DOCK6: variants seen among roughly 807,000 people sequenced by gnomAD.
The protein encoded by DOCK6 is dedicator of cytokinesis protein 6.
A neutral mutation model predicts 230.3 loss-of-function variants in DOCK6; 167 were observed. That is an observed-to-expected ratio of 0.73 (90% CI 0.64 to 0.82). The LOEUF (loss-of-function observed/expected upper bound fraction) is 0.82. DOCK6 is among the 40% of genes least tolerant of loss of function. DOCK6 has a pLI of 0.00. For missense variants in DOCK6, 2,598 were observed against 2,825.8 expected (o/e 0.92, Z 1.83); for synonymous variants, 1,148 against 1,185.0 (o/e 0.97, Z 0.64).
rs778124862 is a variant in DOCK6, at chr19:11,237,699, T to C, written c.1913A>G (p.Tyr638Cys). The C allele has an allele frequency of 6.3e-7, 1 of 1,592,284 alleles. No homozygotes were observed. Among genetic ancestry groups the C allele is most frequent in the Non-Finnish European group, 8.5e-7 (1 of 1,170,080 alleles). Residue 638 changes from tyrosine (Y) to cysteine (C), a missense_variant, in exon 17 of 48, where the codon TAC becomes TGC. Physicochemically the swap from Tyr to Cys is radical, Grantham distance 194. Coordinates refer to ENST00000294618, the MANE Select transcript of DOCK6 (RefSeq NM_020812.4). ...CGGCCGGGGCTGGCAGCTGACATGGTAGAAGGTGAACAGCAGGTGATGGTT... is the reference window on the plus strand; with the variant it reads ...CGGCCGGGGCTGGCAGCTGACATGGCAGAAGGTGAACAGCAGGTGATGGTT... Reference protein sequence around the residue: ...TENHHLLFTFYHVSCQPRPGT... With the variant: ...TENHHLLFTFCHVSCQPRPGT...
chr19:11,200,392 T>C lies in DOCK6; in HGVS notation c.6017A>G (p.Asn2006Ser). 1 of 1,606,484 alleles carries C rather than the reference T, an allele frequency of 6.2e-7. No individual in the cohort carries two copies. The highest frequency in any genetic ancestry group is 8.5e-7 in the Non-Finnish European group (1 of 1,176,764). The change falls in exon 47 of 48, where the codon AAC becomes AGC. Residue 2006 changes from asparagine to serine, a missense_variant. Coordinates refer to ENST00000294618, the MANE Select transcript of DOCK6 (RefSeq NM_020812.4). This position sits in a 1 kb window ranked among gnomAD's most constrained non-coding sequence, Gnocchi z 4.3. ...QKEYHRELER[N>S]YCRLREALQP... is the part of the protein sequence containing the mutation. ...CAGAGCCTCCCGCAGGCGGCAGTAG[T>C]TGCGCTCCAGCTCACGGTGGTACTC...
At chr19:11,244,451 C>CCT (rs2080000725) in intron 9 of DOCK6, among the ~76,000 whole-genome samples, 1 of 40,244 alleles carries the variant, frequency 2.5e-5, no homozygotes, top group Non-Finnish European at 4.0e-5. Context: ...CCACACCTGG[C>CCT]TTTTTTTTTT....
chr19:11,204,382 T>C (rs2079223153), intron 39 of DOCK6, 51 bp from the exon 40 acceptor site: 1 of 1,592,006 alleles, frequency 6.3e-7, no homozygotes, highest in East Asian at 2.3e-5. Flanking sequence ...CTCTCTCCAC[T>C]GTGCTCCTGT....
intron 28 of DOCK6, among the ~76,000 whole-genome samples, chr19:11,217,668 G>T (rs2079514743): frequency 6.7e-6 from 1 of 149,262 alleles, no homozygotes; most frequent in South Asian, 2.1e-4. Context: ...TGTGGCACGA[G>T]AATCTCTTGA....
Position 11,243,820 on chromosome 19 carries a change from T to C in DOCK6, c.1086A>G (p.Lys362=). The stretch of plus-strand genomic sequence containing the variant: ...CGCTTACCTTGGCTGTGTCCACTTC[T>C]TTCAACACCATGTAAGGCTCACAGC... ...SECCEPYMVL[K]EVDTAKNKEK... The change falls in exon 10 of 48, where the codon AAA becomes AAG. Residue 362 remains lysine, a synonymous_variant. Transcript: ENST00000294618. This position sits in a 1 kb window ranked among gnomAD's most constrained non-coding sequence, Gnocchi z 6.3. 1 of 1,613,208 alleles carries C rather than the reference T, an allele frequency of 6.2e-7. No individual in the cohort carries two copies. Among genetic ancestry groups the C allele is most frequent in the Non-Finnish European group, 8.5e-7 (1 of 1,179,610 alleles).
At chr19:11,204,042 G>A (rs781426780) in intron 41 of DOCK6, 39 bp downstream of exon 41, 1 of 1,549,276 alleles carries the variant, frequency 6.5e-7, no homozygotes, top group Non-Finnish European at 8.7e-7. Flanking sequence ...CATCACGGGG[G>A]TCCCAGAGGC....
chr19:11,223,085 G>A lies in DOCK6; in HGVS notation c.2977C>T (p.Leu993Phe), dbSNP rs1370405294. ...AGGAAGAAAGCCAGGCTGGCGTTGA[G>A]GTGCTCGGCCAGCTCCACATCCTGG... Reference protein sequence around the residue: ...VHKDVELAEHLNASLAFFLSD... With the variant: ...VHKDVELAEHFNASLAFFLSD... The change falls in exon 25 of 48, where the codon CTC becomes TTC. Residue 993 changes from leucine to phenylalanine, a missense_variant. Transcript: ENST00000294618. The A allele has an allele frequency of 5.6e-6, 9 of 1,613,534 alleles. No individual in the cohort carries two copies. In the South Asian group the frequency reaches 7.7e-5, roughly 14 times the overall value.
chr19:11,246,034 G>A lies in DOCK6; in HGVS notation c.807-156C>T, dbSNP rs60825092. On this transcript the variant is annotated intron_variant, in intron 7 of 47. Coordinates refer to ENST00000294618, the MANE Select transcript of DOCK6 (RefSeq NM_020812.4). ...TTGCAGAAAAGGTACATCTCATTTT[G>A]CAAAAGGGGAAACTGAGGCACTGAA... 9.2e-3 allele frequency among the ~76,000 whole-genome samples: 1,389 copies of A among 151,604 alleles called. 32 individuals carry two copies. The highest frequency in any genetic ancestry group is 0.032 in the African/African-American group (1,314 of 41,396).
At position 11,237,486 on chromosome 19, in the gene DOCK6, C is replaced by G. The variant is rs373707024; in HGVS notation, c.2043G>C (p.Pro681=). 28 of 1,613,326 alleles carry G rather than the reference C, an allele frequency of 1.7e-5. No individual in the cohort carries two copies. Among genetic ancestry groups the G allele is most frequent in the Non-Finnish European group, 2.2e-5 (26 of 1,179,814 alleles). ...PFCLPVSVDQ[P]PPSYSVLTPD... is the part of the protein sequence containing the mutation. The stretch of plus-strand genomic sequence containing the variant: ...GTGTGAGCACGGAATAGCTGGGCGG[C>G]GGCTGGTCCACAGACACTGGGAGAC... Residue 681 remains proline (P), a synonymous_variant, in exon 18 of 48, where the codon CCG becomes CCC. Coordinates refer to ENST00000294618, the MANE Select transcript of DOCK6 (RefSeq NM_020812.4).
At chr19:11,227,530 ACTTGAAGGGCTGTGGGTGGGG>A (rs775493222) in intron 23 of DOCK6, 53 bp from the exon 24 acceptor site, 114 of 1,447,034 alleles carry the variant, frequency 7.9e-5, no homozygotes, top group East Asian at 2.4e-4. Flanking sequence ...TGTGGGTAGG[ACTTGAAGGGCTGTGGGTGGGG>A]CTTGAAGGGC....
intron 1 of DOCK6, among the ~76,000 whole-genome samples, chr19:11,259,619 G>A (rs1374758918): frequency 2.1e-5 from 3 of 142,368 alleles, no homozygotes; most frequent in Admixed American, 7.3e-5. Flanking sequence ...GTGCAGTGGC[G>A]GGATCTCGGC....
At chr19:11,259,554 TTC>T (rs1167387820) in intron 1 of DOCK6, among the ~76,000 whole-genome samples, 1 of 128,502 alleles carries the variant, frequency 7.8e-6, no homozygotes, top group African/African-American at 2.7e-5. Flanking sequence ...ATTATTTCTT[TTC>T]TTTTTTTTTT....
Position 11,237,647 on chromosome 19 carries a change from G to A in DOCK6, c.1965C>T (p.Gly655=). 6.3e-7 allele frequency: 1 copy of A among 1,596,530 alleles called. No individual in the cohort carries two copies. The highest frequency in any genetic ancestry group is 8.5e-7 in the Non-Finnish European group (1 of 1,172,180). Residue 655 remains glycine (G), a synonymous_variant, in exon 17 of 48, where the codon GGC becomes GGT. Coordinates refer to ENST00000294618, the MANE Select transcript of DOCK6 (RefSeq NM_020812.4). ...RPGTALETPV[G]FTWIPLLQHG... ...GAGGGAGGGGACGGCTCACAGTAAAGCCCACGGGTGTCTCCAGGGCAGTGC... is the reference window on the plus strand; with the variant it reads ...GAGGGAGGGGACGGCTCACAGTAAAACCCACGGGTGTCTCCAGGGCAGTGC...
At chr19:11,240,822 G>A (rs967234020) in intron 14 of DOCK6, among the ~76,000 whole-genome samples, 11 of 151,564 alleles carry the variant, frequency 7.3e-5, no homozygotes, top group Admixed American at 5.3e-4. Flanking sequence ...TGCCTGCCTC[G>A]GTTTCCCAAA....
At chr19:11,216,870 C>CAT (rs756264463) in intron 30 of DOCK6, 44 bp downstream of exon 30, 2 of 1,603,662 alleles carry the variant, frequency 1.2e-6, no homozygotes, top group Middle Eastern at 1.7e-4. Flanking sequence ...CTGGGTACAT[C>CAT]CTTAGCCTGC....
chr19:11,232,607 G>C (rs1215201464), intron 22 of DOCK6, among the ~76,000 whole-genome samples: 3 of 152,160 alleles, frequency 2.0e-5, no homozygotes, highest in African/African-American at 7.2e-5. Context: ...GGATGACTGT[G>C]TATATGCACC....
rs147181483 is a variant in DOCK6, at chr19:11,208,678, G to C, written c.5088+8C>G. 538 of 1,608,164 alleles carry C rather than the reference G, an allele frequency of 3.3e-4. 1 individual carries two copies. The African/African-American group carries it at 6.6e-3, about 20-fold the overall frequency. On this transcript the variant is annotated splice_region_variant and intron_variant, in intron 39 of 47. Coordinates refer to ENST00000294618, the MANE Select transcript of DOCK6 (RefSeq NM_020812.4). ...CCCCTCTCCTGCACCCAGTCCCCAAGGCCTCACCATGGTGAAGTAGCCGGC... is the reference window on the plus strand; with the variant it reads ...CCCCTCTCCTGCACCCAGTCCCCAACGCCTCACCATGGTGAAGTAGCCGGC...
rs201242151 is a variant in DOCK6, at chr19:11,238,309, G to T, written c.1644-5C>A. On this transcript the variant is annotated splice_polypyrimidine_tract_variant and splice_region_variant and intron_variant, in intron 14 of 47. Transcript: ENST00000294618. ...GGGTACACGTACAGCAGGTTCCTGT[G>T]GGGGGCAGGATGGGGGTGTCAGAGG... The T allele has an allele frequency of 1.6e-5, 26 of 1,599,376 alleles. No homozygotes were observed. Among genetic ancestry groups the T allele is most frequent in the Non-Finnish European group, 2.0e-5 (24 of 1,173,626 alleles).
Position 11,201,817 on chromosome 19 carries a change from C to A in DOCK6, c.5688+72G>T, listed in dbSNP as rs1199640838. The A allele has an allele frequency of 2.2e-5, 29 of 1,330,440 alleles. No homozygotes were observed. The highest frequency in any genetic ancestry group is 2.8e-5 in the Non-Finnish European group (27 of 974,020). 82.4% of individuals were successfully genotyped at this position (1,330,440 alleles called of 1,614,324 possible). ...CTTGGGTCTGGGTCCCTGTGTCTAC[C>A]CTCCCCTCCCCTCCCAGGGTCTGAT... On this transcript the variant is annotated intron_variant, in intron 44 of 47. Transcript: ENST00000294618. This position sits in a 1 kb window ranked among gnomAD's most constrained non-coding sequence, Gnocchi z 4.3.
Sources: gnomAD v4.1 joint callset for allele counts (sites outside exome capture counted in the v4.1 genomes callset) on GRCh38, gnomAD v4.1.1 for gene constraint, Gnocchi (gnomAD v3.1) non-coding constraint, MANE v1.5 for transcripts, NCBI Gene and HGNC (gene_info 2026-07-23, HGNC 2026-07-21) for gene names.